CALN1: variants seen among roughly 807,000 people sequenced by gnomAD.
CALN1 encodes calneuron 1, also known as calcium-binding protein 8.
Under a neutral mutation model 30.6 loss-of-function variants are expected in CALN1, and 17 were observed. The observed-to-expected ratio is 0.56, with a 90% CI of 0.38 to 0.83. The LOEUF is 0.83. Among genes scored for constraint, CALN1 ranks in the 40% least tolerant of loss-of-function variants. CALN1 has a pLI of 0.00. For missense variants in CALN1, 291 were observed against 354.9 expected, an observed-to-expected ratio of 0.82 and a Z score of 1.45; for synonymous variants, 156 against 131.4, an observed-to-expected ratio of 1.19 and a Z score of -1.28.
At chr7:72,393,575 G>A (rs548026906) in intron 2 of CALN1, among the ~76,000 whole-genome samples, 1 of 152,240 alleles carries the variant, frequency 6.6e-6, no homozygotes, top group South Asian at 2.1e-4. Flanking sequence ...GACACTGCAT[G>A]AACATGTACT....
intron 5 of CALN1, among the ~76,000 whole-genome samples, chr7:71,939,207 T>G (rs1795996365): frequency 6.6e-6 from 1 of 152,094 alleles, no homozygotes; most frequent in South Asian, 2.1e-4. Flanking sequence ...ATACTACTTA[T>G]TCCGTGTTTA....
chr7:72,204,447 T>C (rs144553749), intron 3 of CALN1, among the ~76,000 whole-genome samples: 51 of 152,326 alleles, frequency 3.3e-4, no homozygotes, highest in Non-Finnish European at 5.4e-4. Flanking sequence ...CCATGAATAA[T>C]TGACTCATGA....
chr7:71,829,092 C>T (rs567584118), intron 5 of CALN1, among the ~76,000 whole-genome samples: 9 of 152,246 alleles, frequency 5.9e-5, no homozygotes, highest in Non-Finnish European at 8.8e-5. Flanking sequence ...TAAAACCAAG[C>T]TGTGCCCCAA....
chr7:72,410,687 C>T (rs1358305929), intron 1 of CALN1, among the ~76,000 whole-genome samples: 2 of 152,158 alleles, frequency 1.3e-5, no homozygotes, highest in African/African-American at 4.8e-5. Context: ...AAAACCAAGA[C>T]CCTATGAACG....
At chr7:71,791,289 G>A (rs1215783309) in intron 6 of CALN1, among the ~76,000 whole-genome samples, 1 of 152,134 alleles carries the variant, frequency 6.6e-6, no homozygotes, top group Non-Finnish European at 1.5e-5. Context: ...TTATGGTAAA[G>A]CAATTTATGT....
chr7:71,868,922 C>A (rs373916358), intron 5 of CALN1, among the ~76,000 whole-genome samples: 1 of 152,146 alleles, frequency 6.6e-6, no homozygotes, highest in East Asian at 1.9e-4. Context: ...TTGAAATATA[C>A]GCTGACTCCA....
intron 5 of CALN1, among the ~76,000 whole-genome samples, chr7:71,929,856 G>A (rs1295184288): frequency 1.3e-5 from 2 of 152,182 alleles, no homozygotes; most frequent in Non-Finnish European, 2.9e-5. Flanking sequence ...CAGCAGCAAT[G>A]GATGAGGGTT....
In CALN1 at chr7:71,783,119, G is replaced by A. The variant is rs547510654; in HGVS notation, c.*4656C>T. ...GCAGTTGAGCAATCAGGTGTGGAGG[G>A]AAGATGGCTATGGTAAGGCCTTTAG... is the stretch of plus-strand genomic sequence containing the variant. On this transcript the variant is annotated 3_prime_UTR_variant, in exon 7 of 7. Coordinates refer to ENST00000395275, the MANE Select transcript of CALN1 (RefSeq NM_031468.4). 6 of 152,286 alleles carry A rather than the reference G, an allele frequency of 3.9e-5. No homozygotes were observed. Among genetic ancestry groups the A allele is most frequent in the African/African-American group, 1.2e-4 (5 of 41,552 alleles). 9.4% of individuals were successfully genotyped at this position (152,286 alleles called of 1,614,324 possible). A position where few individuals can be genotyped will look rare whatever the true frequency, so the allele number is the denominator to read the frequency against.
intron 2 of CALN1, among the ~76,000 whole-genome samples, chr7:72,386,790 C>A (rs1005576299): frequency 6.6e-6 from 1 of 152,120 alleles, no homozygotes; most frequent in African/African-American, 2.4e-5. Context: ...GGCATGCCAC[C>A]ACACCTAGCT....
chr7:72,445,188 AAC>A (rs1180677683), intron 1 of CALN1, among the ~76,000 whole-genome samples: 1 of 152,070 alleles, frequency 6.6e-6, no homozygotes, highest in Non-Finnish European at 1.5e-5. Flanking sequence ...CTGATACAAA[AAC>A]ACAGTTAGTG....
chr7:71,803,423 T>C (rs1324516378), intron 6 of CALN1, among the ~76,000 whole-genome samples: 1 of 152,168 alleles, frequency 6.6e-6, no homozygotes, highest in Non-Finnish European at 1.5e-5. Flanking sequence ...ATGAATTCTA[T>C]ATGCAATGTG....
intron 4 of CALN1, among the ~76,000 whole-genome samples, chr7:72,088,539 G>A (rs1805630122): frequency 6.6e-6 from 1 of 151,470 alleles, no homozygotes. Context: ...TCTGTACTAA[G>A]AATACAAAAA....
intron 3 of CALN1, among the ~76,000 whole-genome samples, chr7:72,261,114 C>T (rs1796242285): frequency 6.6e-6 from 1 of 152,124 alleles, no homozygotes. Context: ...TCGAGACCAG[C>T]TGGGCCAACA....
rs948259283 is a variant in CALN1 at position 72,232,101 on chromosome 7, G to C, written c.244+46585C>G. On this transcript the variant is annotated intron_variant, in intron 3 of 6. Transcript: ENST00000395275. ...GAAGGGTCAAAGAAGACAAAAGGCT[G>C]GCTCATGGGAATCACAGTGACACCA... 3.3e-5 allele frequency among the ~76,000 whole-genome samples: 5 copies of C among 152,140 alleles called. No individual in the cohort carries two copies. The East Asian group carries it at 5.8e-4, about 18-fold the overall frequency.
intron 4 of CALN1, among the ~76,000 whole-genome samples, chr7:72,071,558 A>G (rs566846563): frequency 6.6e-6 from 1 of 152,328 alleles, no homozygotes; most frequent in East Asian, 1.9e-4. Context: ...ACCTGAGAAG[A>G]CCTTACATTT....
chr7:71,935,498 G>T lies in CALN1; in HGVS notation c.501+88159C>A, dbSNP rs190760811. Among the ~76,000 whole-genome samples the T allele has an allele frequency of 9.8e-3, 1,489 of 152,210 alleles. 29 individuals carry two copies. Among genetic ancestry groups the T allele is most frequent in the African/African-American group, 0.034 (1,401 of 41,528 alleles). On this transcript the variant is annotated intron_variant, in intron 5 of 6. Coordinates refer to ENST00000395275, the MANE Select transcript of CALN1 (RefSeq NM_031468.4). ...AGCAGTTTGGGAGGCCGAGGCGGGC[G>T]GATCACCTGAGGTCAGGAGTTCGAG...
intron 5 of CALN1, among the ~76,000 whole-genome samples, chr7:71,817,596 A>G (rs1788339570): frequency 1.3e-5 from 2 of 152,152 alleles, no homozygotes; most frequent in Admixed American, 1.3e-4. Flanking sequence ...GCTCACTACA[A>G]TCTCTGCCTC....
At chr7:72,323,672 A>G (rs371678918) in intron 2 of CALN1, among the ~76,000 whole-genome samples, 1 of 133,790 alleles carries the variant, frequency 7.5e-6, no homozygotes, top group Admixed American at 7.6e-5. Flanking sequence ...AAAAAAAAAA[A>G]AATAAAAAAT....
At chr7:72,087,633 C>T (rs1805566791) in intron 4 of CALN1, among the ~76,000 whole-genome samples, 1 of 151,988 alleles carries the variant, frequency 6.6e-6, no homozygotes, top group South Asian at 2.1e-4. Flanking sequence ...ATCCAGTGAT[C>T]AGTAGACTAC....
Sources: allele counts gnomAD v4.1 joint callset (sites outside exome capture counted in the v4.1 genomes callset), GRCh38; gene constraint gnomAD v4.1.1; transcripts MANE v1.5; gene names NCBI Gene and HGNC (gene_info 2026-07-23, HGNC 2026-07-21).